CHN2: variants seen among roughly 807,000 people sequenced by gnomAD.
CHN2 encodes chimerin 2, also known as beta-chimaerin.
Under a neutral mutation model 56.3 loss-of-function variants are expected in CHN2, and 35 were observed. That is an observed-to-expected ratio of 0.62 (90% CI 0.47 to 0.82). The LOEUF (loss-of-function observed/expected upper bound fraction) is 0.82, where lower values mean the gene tolerates loss of function less well. CHN2 is among the 40% of genes least tolerant of loss of function. The pLI is 0.00. For missense variants in CHN2, 491 were observed against 580.5 expected (o/e 0.85, Z 1.58); for synonymous variants, 210 against 212.8 (o/e 0.99, Z 0.12).
Position 29,172,242 on chromosome 7 carries a change from G to A in CHN2, c.274+25282G>A, listed in dbSNP as rs75527974. Among the ~76,000 whole-genome samples, 689 of 152,184 alleles carry A rather than the reference G, an allele frequency of 4.5e-3. 3 individuals are homozygous for A. The highest frequency in any genetic ancestry group is 0.016 in the African/African-American group (661 of 41,520). ...CAGCACCACCTACTCTCCAGCATCC[G>A]GCCCACTGAGTTCTTGAAAGCATGG... is the stretch of plus-strand genomic sequence containing the variant. On this transcript the variant is annotated intron_variant, in intron 2 of 6. Transcript: ENST00000439384.
intron 1 of CHN2, among the ~76,000 whole-genome samples, chr7:29,328,827 A>G (rs557600557): frequency 9.2e-5 from 14 of 152,286 alleles, no homozygotes; most frequent in Non-Finnish European, 2.1e-4. Flanking sequence ...AAGTCGAGAC[A>G]TGTTTTCGTA....
intron 1 of CHN2, among the ~76,000 whole-genome samples, chr7:29,333,856 C>A (rs1796402793): frequency 6.6e-6 from 1 of 152,154 alleles, no homozygotes; most frequent in African/African-American, 2.4e-5. Flanking sequence ...AGTCAGGGAC[C>A]AGATGAGTGT....
chr7:29,397,836 T>C (rs1294032346), intron 4 of CHN2: 2 of 152,318 alleles, frequency 1.3e-5, no homozygotes, highest in Admixed American at 6.5e-5. Context: ...TTTTCTAAAA[T>C]ACCCATAAGC....
chr7:29,321,356 T>C (rs565263464), intron 1 of CHN2, among the ~76,000 whole-genome samples: 103 of 152,172 alleles, frequency 6.8e-4, no homozygotes, highest in South Asian at 2.7e-3. Flanking sequence ...CGGGCACTAA[T>C]AGGTAAGCTG....
At chr7:29,323,109 C>T (rs547165461) in intron 1 of CHN2, among the ~76,000 whole-genome samples, 11 of 152,202 alleles carry the variant, frequency 7.2e-5, no homozygotes, top group Admixed American at 6.5e-5. Context: ...GAGCCAAGAT[C>T]GTGCCACTGC....
At chr7:29,366,256 C>A (rs10274204) in intron 2 of CHN2, among the ~76,000 whole-genome samples, 1 of 151,796 alleles carries the variant, frequency 6.6e-6, no homozygotes, top group East Asian at 1.9e-4. Flanking sequence ...ATAAATGAAG[C>A]GTTAGGGGTG....
intron 6 of CHN2, among the ~76,000 whole-genome samples, chr7:29,404,256 C>T (rs7811293): frequency 3.3e-5 from 5 of 152,120 alleles, no homozygotes; most frequent in African/African-American, 1.2e-4. Context: ...ACTGCTATTA[C>T]GAGCTATAAT....
At chr7:29,321,883 A>G (rs1276765988) in intron 1 of CHN2, among the ~76,000 whole-genome samples, 2 of 152,086 alleles carry the variant, frequency 1.3e-5, no homozygotes, top group Non-Finnish European at 2.9e-5. Flanking sequence ...CCACTTTTCT[A>G]TACCTTCTGA....
At chr7:29,351,139 G>A (rs995492040) in intron 1 of CHN2, among the ~76,000 whole-genome samples, 7 of 144,612 alleles carry the variant, frequency 4.8e-5, no homozygotes, top group Non-Finnish European at 1.1e-4. Context: ...AATTCCCACA[G>A]TGCCCCTAAG....
intron 4 of CHN2, among the ~76,000 whole-genome samples, chr7:29,395,833 T>A (rs1801695185): frequency 6.6e-6 from 1 of 152,252 alleles, no homozygotes; most frequent in South Asian, 2.1e-4. Flanking sequence ...TTATTGACAC[T>A]GTTTGACGCT....
At chr7:29,303,875 C>T (rs138762133) in intron 1 of CHN2, among the ~76,000 whole-genome samples, 4,718 of 152,236 alleles carry the variant, frequency 0.031, 272 homozygotes, top group African/African-American at 0.11. Context: ...GCCTGGCCAA[C>T]GTGGTGAAAC....
intron 2 of CHN2, among the ~76,000 whole-genome samples, chr7:29,173,774 CAA>C (rs764330313): frequency 1.7e-4 from 20 of 120,142 alleles, no homozygotes; most frequent in African/African-American, 2.2e-4. Context: ...CTGTCTCTAC[CAA>C]AAAAAAAAAA....
intron 6 of CHN2, among the ~76,000 whole-genome samples, chr7:29,402,296 G>C (rs971664728): frequency 1.3e-5 from 2 of 152,198 alleles, no homozygotes; most frequent in African/African-American, 4.8e-5. Context: ...TGCAGCAGCT[G>C]GGCCCATGAA....
intron 1 of CHN2, among the ~76,000 whole-genome samples, chr7:29,350,953 C>T (rs1043033317): frequency 5.9e-5 from 9 of 151,904 alleles, no homozygotes; most frequent in Admixed American, 2.6e-4. Flanking sequence ...ACTAAAAATA[C>T]AAAAGTTAGC....
chr7:29,332,371 A>G (rs1796291181), intron 1 of CHN2, among the ~76,000 whole-genome samples: 1 of 152,228 alleles, frequency 6.6e-6, no homozygotes, highest in Non-Finnish European at 1.5e-5. Context: ...TACAGCTGCT[A>G]GCTGCTAATA....
At chr7:29,431,482 T>G (rs1020425495) in intron 6 of CHN2, among the ~76,000 whole-genome samples, 1 of 151,680 alleles carries the variant, frequency 6.6e-6, no homozygotes, top group Non-Finnish European at 1.5e-5. Flanking sequence ...GTGGGGAGAG[T>G]TCTTCCTTGA....
chr7:29,292,754 A>C, intron 1 of CHN2: 1 of 368,790 alleles, frequency 2.7e-6, no homozygotes, highest in African/African-American at 2.1e-5. Flanking sequence ...GAAAAGTAAA[A>C]CACCCTGCAT....
chr7:29,221,759 G>C (rs1282571242), intron 1 of CHN2, among the ~76,000 whole-genome samples: 1 of 152,174 alleles, frequency 6.6e-6, no homozygotes, highest in African/African-American at 2.4e-5. Context: ...ACAGCTTCCA[G>C]CTCCATTCAT....
chr7:29,258,962 G>A (rs1172031087), intron 1 of CHN2, among the ~76,000 whole-genome samples: 1 of 150,866 alleles, frequency 6.6e-6, no homozygotes, highest in Admixed American at 6.6e-5. Flanking sequence ...CAAATGTCCA[G>A]CAATAGGGAA....
Sources: gnomAD v4.1 joint callset for allele counts (sites outside exome capture counted in the v4.1 genomes callset) on GRCh38, gnomAD v4.1.1 for gene constraint, MANE v1.5 for transcripts, NCBI Gene and HGNC (gene_info 2026-07-23, HGNC 2026-07-21) for gene names.